PDE11A: variants seen among roughly 807,000 people sequenced by gnomAD.
PDE11A encodes dual 3',5'-cyclic-AMP and -GMP phosphodiesterase 11A.
A neutral mutation model predicts 100.5 loss-of-function variants in PDE11A; 100 were observed. The observed-to-expected ratio is 1.00, with a 90% CI of 0.85 to 1.18. PDE11A has a LOEUF of 1.18. Ranked by LOEUF, PDE11A falls within the 50% of genes most tolerant of loss-of-function variation. The probability of loss-of-function intolerance (pLI) is 0.00; values close to 1 mark genes in which losing one functional copy is unlikely to be tolerated. For synonymous variants in PDE11A, 381 were observed against 420.8 expected (o/e 0.91, Z 1.16); for missense variants, 1,141 against 1,152.6 (o/e 0.99, Z 0.15).
intron 19 of PDE11A, among the ~76,000 whole-genome samples, chr2:177,647,191 A>T (rs1412822644): frequency 1.3e-5 from 2 of 152,368 alleles, no homozygotes; most frequent in East Asian, 3.9e-4. Flanking sequence ...ATAGAAATAT[A>T]TAAAACTATT....
At chr2:177,868,845 T>C (rs2084074979) in intron 5 of PDE11A, among the ~76,000 whole-genome samples, 1 of 152,226 alleles carries the variant, frequency 6.6e-6, no homozygotes, top group Non-Finnish European at 1.5e-5. Context: ...AAGTGATCTT[T>C]CCTTGGTTTG....
chr2:177,878,804 C>T (rs1394415726), intron 4 of PDE11A, among the ~76,000 whole-genome samples: 3 of 152,124 alleles, frequency 2.0e-5, no homozygotes, highest in Non-Finnish European at 4.4e-5. Flanking sequence ...ATTGCAGCAG[C>T]AAATTATTTG....
At chr2:178,097,749 G>GT (rs1464236300) in intron 2 of PDE11A, among the ~76,000 whole-genome samples, 5 of 152,128 alleles carry the variant, frequency 3.3e-5, no homozygotes, top group African/African-American at 1.2e-4. Context: ...GGAAAAAATA[G>GT]TTTTAAATGA....
intron 2 of PDE11A, among the ~76,000 whole-genome samples, chr2:178,092,021 A>C (rs576662384): frequency 6.6e-6 from 1 of 152,256 alleles, no homozygotes; most frequent in African/African-American, 2.4e-5. Context: ...TTTCCCAAAA[A>C]CATTCCTAAG....
chr2:177,724,245 A>G (rs185840974), intron 12 of PDE11A, among the ~76,000 whole-genome samples: 43 of 152,248 alleles, frequency 2.8e-4, no homozygotes, highest in Admixed American at 2.5e-3. Context: ...GGAACAAATT[A>G]ATAAGTCATT....
intron 2 of PDE11A, among the ~76,000 whole-genome samples, chr2:177,951,764 G>T (rs765308091): frequency 6.6e-6 from 1 of 152,142 alleles, no homozygotes; most frequent in Non-Finnish European, 1.5e-5. Flanking sequence ...AAGCTTACCT[G>T]ACAGTAAACC....
In PDE11A at chr2:177,631,570, CATGTATATATATATACACACACAT is replaced by C. The variant is rs1559117485; in HGVS notation, c.2647-2032_2647-2009del. On this transcript the variant is annotated intron_variant, in intron 19 of 19. Transcript: ENST00000286063. ...ATACACATGTATATATATATATATACATGTATATATATATACACACACATATATATGTGTGTATATATATACATA... is the reference window on the plus strand; with the variant it reads ...ATACACATGTATATATATATATATACATATATGTGTGTATATATATACATA... Among the ~76,000 whole-genome samples the C allele has an allele frequency of 7.3e-3, 114 of 15,676 alleles. 2 individuals carry two copies. The highest frequency in any genetic ancestry group is 0.023 in the African/African-American group (112 of 4,856). 10.3% of individuals were successfully genotyped at this position (15,676 alleles called of 152,430 possible).
chr2:177,784,441 A>T (rs1177355616), intron 9 of PDE11A, among the ~76,000 whole-genome samples: 1 of 152,124 alleles, frequency 6.6e-6, no homozygotes, highest in Non-Finnish European at 1.5e-5. Flanking sequence ...GGATCCCTCA[A>T]TTCTGGGAAC....
chr2:177,902,437 C>A (rs944882508), intron 3 of PDE11A, among the ~76,000 whole-genome samples: 1 of 152,186 alleles, frequency 6.6e-6, no homozygotes, highest in African/African-American at 2.4e-5. Flanking sequence ...TCTCTTCACA[C>A]GGATGTGTGT....
intron 2 of PDE11A, among the ~76,000 whole-genome samples, chr2:178,082,494 G>A (rs2087300015): frequency 6.6e-6 from 1 of 152,032 alleles, no homozygotes; most frequent in African/African-American, 2.4e-5. Context: ...TGACATGCTG[G>A]GAAGCATAGT....
At chr2:177,969,536 C>T (rs2085742823) in intron 2 of PDE11A, among the ~76,000 whole-genome samples, 1 of 152,058 alleles carries the variant, frequency 6.6e-6, no homozygotes, top group Admixed American at 6.5e-5. Context: ...TTAAGCTGTG[C>T]TAATAGAAAT....
intron 12 of PDE11A, among the ~76,000 whole-genome samples, chr2:177,717,023 C>A (rs190941921): frequency 1.2e-4 from 18 of 152,250 alleles, no homozygotes; most frequent in Admixed American, 1.2e-3. Context: ...CTTTTAAGAA[C>A]ATAACAGAGC....
At chr2:177,906,847 G>A (rs879481846) in intron 2 of PDE11A, among the ~76,000 whole-genome samples, 2 of 152,172 alleles carry the variant, frequency 1.3e-5, no homozygotes, top group Non-Finnish European at 2.9e-5. Flanking sequence ...CCTACACATA[G>A]AGCAAGCACT....
intron 10 of PDE11A, among the ~76,000 whole-genome samples, chr2:177,760,294 G>T (rs889517354): frequency 1.3e-5 from 2 of 152,080 alleles, no homozygotes; most frequent in African/African-American, 4.8e-5. Flanking sequence ...ACATTTATAG[G>T]TAGCATTAGT....
At chr2:177,705,466 T>G (rs1334730150) in intron 13 of PDE11A, among the ~76,000 whole-genome samples, 2 of 152,206 alleles carry the variant, frequency 1.3e-5, no homozygotes, top group African/African-American at 4.8e-5. Context: ...TGTGCATTAT[T>G]GATGGTAGGT....
At chr2:177,729,151 A>G (rs2081645668) in intron 10 of PDE11A, among the ~76,000 whole-genome samples, 1 of 152,164 alleles carries the variant, frequency 6.6e-6, no homozygotes, top group Non-Finnish European at 1.5e-5. Flanking sequence ...AGCATTCCAG[A>G]AACCACATAA....
At chr2:177,703,163 T>G (rs1248933307) in intron 13 of PDE11A, among the ~76,000 whole-genome samples, 13 of 151,840 alleles carry the variant, frequency 8.6e-5, no homozygotes, top group Admixed American at 4.6e-4. Flanking sequence ...AGTTGGGAGG[T>G]TGATAATAAG....
intron 5 of PDE11A, among the ~76,000 whole-genome samples, chr2:177,864,873 T>C (rs935470089): frequency 2.0e-5 from 3 of 152,180 alleles, no homozygotes; most frequent in African/African-American, 7.2e-5. Flanking sequence ...TACTTAAAAG[T>C]AATCATACGG....
At chr2:177,721,322 C>T (rs1335574333) in intron 12 of PDE11A, among the ~76,000 whole-genome samples, 18 of 152,068 alleles carry the variant, frequency 1.2e-4, no homozygotes, top group Admixed American at 1.2e-3. Flanking sequence ...CAAAGCAAAC[C>T]TCTGGTATCT....
Sources: gnomAD v4.1 joint callset for allele counts (sites outside exome capture counted in the v4.1 genomes callset) on GRCh38, gnomAD v4.1.1 for gene constraint, MANE v1.5 for transcripts, NCBI Gene and HGNC (gene_info 2026-07-23, HGNC 2026-07-21) for gene names.